The following CNOT6 variants were observed in gnomAD, a reference collection of about 807,000 sequenced individuals.
CNOT6 encodes the protein carbon catabolite repression 4 protein.
CNOT6 carries 12 observed loss-of-function variants against 61.2 expected under a neutral mutation model. The ratio of observed to expected loss-of-function variants is 0.20; its 90% CI spans 0.13 to 0.32. CNOT6 has a LOEUF of 0.32. Among genes scored for constraint, CNOT6 ranks in the 10% least tolerant of loss-of-function variants. CNOT6 has a pLI of 1.00. For missense variants in CNOT6, 405 were observed against 663.9 expected (o/e 0.61, Z 4.28); for synonymous variants, 225 against 240.6 (o/e 0.94, Z 0.60).
At chr5:180,538,686 G>GTGTATATATA (rs1554100067) in intron 2 of CNOT6, among the ~76,000 whole-genome samples, 2 of 85,082 alleles carry the variant, frequency 2.4e-5, no homozygotes, top group African/African-American at 6.7e-5. Flanking sequence ...TGAGAAAAAG[G>GTGTATATATA]TATATATATA....
At chr5:180,553,548 T>C (rs1261753082) in intron 4 of CNOT6, 77 bp downstream of exon 4, 2 of 1,067,284 alleles carry the variant, frequency 1.9e-6, no homozygotes, top group South Asian at 1.4e-5. Context: ...AGCTTTCTGC[T>C]AGGGGATTCT....
Position 180,570,523 on chromosome 5 carries a change from T to C in CNOT6, c.1259-707T>C, listed in dbSNP as rs906834457. On this transcript the variant is annotated intron_variant, in intron 10 of 11. Coordinates refer to ENST00000261951, the MANE Select transcript of CNOT6 (RefSeq NM_001370472.1). ...AGTAGTCTCTGACAATTTCTCTACA[T>C]GCTTTCTACTTTCTGTGTAGCTACA... Among the ~76,000 whole-genome samples the C allele has an allele frequency of 3.9e-5, 6 of 152,208 alleles. No individual in the cohort carries two copies. In the East Asian group the frequency reaches 1.2e-3, roughly 29 times the overall value.
chr5:180,551,591 C>T (rs1381086175), intron 3 of CNOT6, among the ~76,000 whole-genome samples: 2 of 152,042 alleles, frequency 1.3e-5, no homozygotes, highest in African/African-American at 4.8e-5. Context: ...AAGATCTAAC[C>T]AAGTTAATAT....
chr5:180,497,487 G>C (rs893519275), intron 1 of CNOT6, among the ~76,000 whole-genome samples: 1 of 152,176 alleles, frequency 6.6e-6, no homozygotes, highest in African/African-American at 2.4e-5. Context: ...GCAGCTCACA[G>C]CTGTATTCTT....
chr5:180,542,424 C>T (rs540059663), intron 2 of CNOT6, among the ~76,000 whole-genome samples: 262 of 152,236 alleles, frequency 1.7e-3, no homozygotes, highest in Non-Finnish European at 3.0e-3. Flanking sequence ...GCCACCACAC[C>T]CAGCTAATTT....
At chr5:180,552,458 G>A (rs111500829) in intron 3 of CNOT6, among the ~76,000 whole-genome samples, 25,415 of 151,306 alleles carry the variant, frequency 0.17, 2,244 homozygotes, top group South Asian at 0.19. Flanking sequence ...TGGCTAACAC[G>A]GTGAAACCCC....
chr5:180,551,620 T>C (rs918193972), intron 3 of CNOT6, among the ~76,000 whole-genome samples: 1 of 152,204 alleles, frequency 6.6e-6, no homozygotes, highest in Non-Finnish European at 1.5e-5. Flanking sequence ...ATTCCATGTA[T>C]TATGTTAATC....
At chr5:180,512,930 C>A (rs1253179174) in intron 1 of CNOT6, among the ~76,000 whole-genome samples, 1 of 150,452 alleles carries the variant, frequency 6.6e-6, no homozygotes, top group Non-Finnish European at 1.5e-5. Flanking sequence ...GAGTCTTGCT[C>A]TGTCGCCCAG....
intron 4 of CNOT6, among the ~76,000 whole-genome samples, chr5:180,560,912 G>A (rs893413826): frequency 2.0e-5 from 3 of 150,974 alleles, no homozygotes; most frequent in Admixed American, 6.6e-5. Context: ...TGTTCTTTTT[G>A]TTGTTGTTGG....
intron 1 of CNOT6, among the ~76,000 whole-genome samples, chr5:180,514,880 T>C (rs1398224199): frequency 6.6e-6 from 1 of 152,062 alleles, no homozygotes; most frequent in African/African-American, 2.4e-5. Flanking sequence ...AAGAAAAAAA[T>C]AGACCAGTTC....
intron 1 of CNOT6, among the ~76,000 whole-genome samples, chr5:180,526,226 TGA>T (rs35254181): frequency 0.27 from 41,252 of 151,942 alleles, 6,167 homozygotes; most frequent in Middle Eastern, 0.41. Context: ...ATAGAGAGAA[TGA>T]GAGAAGCAAA....
chr5:180,543,585 C>T (rs1413491101), intron 2 of CNOT6, among the ~76,000 whole-genome samples: 1 of 152,116 alleles, frequency 6.6e-6, no homozygotes. Context: ...CATACCTGAA[C>T]AAGTGTTTTC....
At chr5:180,557,345 C>T (rs1334292452) in intron 4 of CNOT6, among the ~76,000 whole-genome samples, 2 of 111,588 alleles carry the variant, frequency 1.8e-5, no homozygotes, top group Admixed American at 9.0e-5. Context: ...AGTGTAAGTA[C>T]TGCTTTACAT....
At position 180,563,380 on chromosome 5, in the gene CNOT6, G is replaced by GT. The variant is rs1165566622; in HGVS notation, c.386-1100dup. ...CAGGCGCCCGCCACCACGCCTGGCT[G>GT]TTTTTTTTTGTTTGTTTTTGCTTTT... is the stretch of plus-strand genomic sequence containing the variant. On this transcript the variant is annotated intron_variant, in intron 4 of 11. Transcript: ENST00000261951. Among the ~76,000 whole-genome samples, 91 of 82,244 alleles carry GT rather than the reference G, an allele frequency of 1.1e-3. 1 individual carries two copies. The East Asian group carries it at 0.029, about 26-fold the overall frequency. 54.0% of individuals were successfully genotyped at this position (82,244 alleles called of 152,430 possible).
Position 180,567,986 on chromosome 5 carries a change from A to G in CNOT6, c.1010A>G (p.Glu337Gly), listed in dbSNP as rs1259611034. The change falls in exon 9 of 12, where the codon GAA becomes GGA. Residue 337 changes from glutamate to glycine, a missense_variant. Around this residue, in one of 5 missense-constraint regions of CNOT6, gnomAD observed 116 missense variants for 184.6 expected, o/e 0.63. Transcript: ENST00000261951. ...GVAVLLELRK[E>G]SIEMPSGKPH... ...GCAGTACTGCTAGAACTTCGGAAGGAATCGATTGAAATGCCGTGTGAGTGC... is the reference window on the plus strand; with the variant it reads ...GCAGTACTGCTAGAACTTCGGAAGGGATCGATTGAAATGCCGTGTGAGTGC... The G allele has an allele frequency of 1.2e-6, 2 of 1,607,642 alleles. No homozygotes were observed. Among genetic ancestry groups the G allele is most frequent in the South Asian group, 2.2e-5 (2 of 90,718 alleles).
intron 1 of CNOT6, among the ~76,000 whole-genome samples, chr5:180,498,844 C>T (rs1026721086): frequency 4.6e-5 from 7 of 152,158 alleles, no homozygotes; most frequent in African/African-American, 1.7e-4. Context: ...ACTTGGAGTG[C>T]GGTGGCGCGA....
chr5:180,539,541 T>C (rs1186937571), intron 2 of CNOT6, among the ~76,000 whole-genome samples: 1 of 135,144 alleles, frequency 7.4e-6, no homozygotes, highest in Non-Finnish European at 1.6e-5. Context: ...ACTTCAGTAC[T>C]TTTTCTGTTC....
intron 7 of CNOT6, among the ~76,000 whole-genome samples, chr5:180,566,352 G>A (rs776157700): frequency 6.6e-6 from 1 of 152,138 alleles, no homozygotes; most frequent in Non-Finnish European, 1.5e-5. Context: ...GGACTGACTT[G>A]GTACACGAAC....
intron 2 of CNOT6, among the ~76,000 whole-genome samples, chr5:180,530,104 C>T (rs1484149232): frequency 1.3e-5 from 2 of 152,162 alleles, no homozygotes; most frequent in Non-Finnish European, 2.9e-5. Flanking sequence ...TTACTGTTGG[C>T]CTATTATGCT....
Sources: gnomAD v4.1 joint callset for allele counts (sites outside exome capture counted in the v4.1 genomes callset) on GRCh38, gnomAD v4.1.1 for gene constraint, gnomAD v4.1.1 regional missense constraint, MANE v1.5 for transcripts, NCBI Gene and HGNC (gene_info 2026-07-23, HGNC 2026-07-21) for gene names.